TMEM63A: variants seen among roughly 807,000 people sequenced by gnomAD.
TMEM63A encodes mechanosensitive cation channel TMEM63A.
In TMEM63A, 76 loss-of-function variants were observed where a neutral mutation model predicts 100.6. That is an observed-to-expected ratio of 0.76 (90% CI 0.63 to 0.91). TMEM63A has a LOEUF of 0.91. TMEM63A is among the 40% of genes least tolerant of loss of function. The pLI is 0.00. For synonymous variants in TMEM63A, 401 were observed against 401.1 expected, an observed-to-expected ratio of 1.00 and a Z score of 0.00; for missense variants, 876 against 1,008.8, an observed-to-expected ratio of 0.87 and a Z score of 1.78.
rs755645575 is a variant in TMEM63A at position 225,856,730 on chromosome 1, T to TC, written c.1492dup (p.Glu498GlyfsTer37). 1.9e-6 allele frequency: 3 copies of TC among 1,611,560 alleles called. No individual in the cohort carries two copies. Among genetic ancestry groups the TC allele is most frequent in the African/African-American group, 2.7e-5 (2 of 74,956 alleles). ...GACTTTGGTCATCATGATCTGGTTT[T>TC]CCCCCGACCTGCAGGAAGTCAAAGG... On this transcript the variant is annotated frameshift_variant, in exon 17 of 25. Coordinates refer to ENST00000366835, the MANE Select transcript of TMEM63A (RefSeq NM_014698.3). LOFTEE classifies it high-confidence loss of function.
intron 18 of TMEM63A, among the ~76,000 whole-genome samples, chr1:225,855,425 A>G (rs1279628096): frequency 6.6e-6 from 1 of 152,254 alleles, no homozygotes; most frequent in Non-Finnish European, 1.5e-5. Flanking sequence ...GTGGCATGGT[A>G]TAAGTTTAAA....
downstream of TMEM63A, chr1:225,844,590 T>C (rs1266755235): frequency 1.3e-5 from 21 of 1,614,048 alleles, no homozygotes; most frequent in South Asian, 5.5e-5. Flanking sequence ...AAGGAGAACC[T>C]GGGACAGGGC....
chr1:225,849,984 C>T lies in TMEM63A; in HGVS notation c.1999G>A (p.Ala667Thr), dbSNP rs146840117. Reference sequence around the variant, plus strand: ...GGGGCTGCCAAGGCCTGGTTCACAGCGGCAAAGTGGATCCCCTTCTCCAGC... The same window carrying T: ...GGGGCTGCCAAGGCCTGGTTCACAGTGGCAAAGTGGATCCCCTTCTCCAGC... ...AKLEKGIHFA[A>T]VNQALAAPIL... The change falls in exon 21 of 25, where the codon GCT becomes ACT. Residue 667 changes from alanine to threonine, a missense_variant. By Grantham distance (58) the Ala-to-Thr change is moderately conservative (BLOSUM62 0). Transcript: ENST00000366835. The T allele has an allele frequency of 1.9e-4, 308 of 1,614,190 alleles. 1 individual carries two copies. The African/African-American group carries it at 3.6e-3, about 19-fold the overall frequency.
At chr1:225,869,722 G>T (rs1352412452) in intron 6 of TMEM63A, among the ~76,000 whole-genome samples, 4 of 136,400 alleles carry the variant, frequency 2.9e-5, no homozygotes, top group Non-Finnish European at 4.6e-5. Flanking sequence ...AGTTGCAGTG[G>T]GGTGATCTTG....
chr1:225,843,780 G>A (rs1021615937), downstream of TMEM63A, among the ~76,000 whole-genome samples: 1 of 152,250 alleles, frequency 6.6e-6, no homozygotes, highest in Admixed American at 6.5e-5. Flanking sequence ...GGAGATGGAA[G>A]CACTTGGCCA....
chr1:225,840,719 A>G (rs1323684827), downstream of TMEM63A, among the ~76,000 whole-genome samples: 1 of 152,176 alleles, frequency 6.6e-6, no homozygotes, highest in Non-Finnish European at 1.5e-5. Context: ...AAATAGCTCA[A>G]TGACAAGGAA....
rs557116423 is a variant in TMEM63A, at chr1:225,847,207, C to T, written c.2257G>A (p.Val753Met). Reference protein sequence around the residue: ...AHMPPPFTPYVPRILNGLASE... With the variant: ...AHMPPPFTPYMPRILNGLASE... ...GCCAAGCCGTTCAGAATCCGAGGCA[C>T]GTAGGGCTGTCAGCAAATGGATTTG... is the stretch of plus-strand genomic sequence containing the variant. The change falls in exon 24 of 25, where the codon GTG becomes ATG. Residue 753 changes from valine to methionine, a missense_variant. Physicochemically the swap from Val to Met is conservative, Grantham distance 21 (BLOSUM62 1). Coordinates refer to ENST00000366835, the MANE Select transcript of TMEM63A (RefSeq NM_014698.3). 4.3e-5 allele frequency: 70 copies of T among 1,612,890 alleles called. No individual in the cohort carries two copies. In the South Asian group the frequency reaches 5.3e-4, roughly 12 times the overall value.
chr1:225,876,749 G>A (rs1425231049), intron 3 of TMEM63A, among the ~76,000 whole-genome samples: 4 of 151,886 alleles, frequency 2.6e-5, no homozygotes, highest in Admixed American at 6.6e-5. Context: ...CCAGGTTCAA[G>A]CAATTCTCCT....
chr1:225,851,361 TTTTG>T (rs946331299), intron 20 of TMEM63A, among the ~76,000 whole-genome samples: 2 of 152,156 alleles, frequency 1.3e-5, no homozygotes, highest in African/African-American at 2.4e-5. Context: ...TGCCAGGTTC[TTTTG>T]TTTTTTTATT....
chr1:225,851,524 C>G (rs1442152662), intron 20 of TMEM63A, among the ~76,000 whole-genome samples: 4 of 152,144 alleles, frequency 2.6e-5, no homozygotes, highest in Non-Finnish European at 5.9e-5. Context: ...CGCCTGCCAC[C>G]ATGCCCAGTT....
At chr1:225,872,551 T>A (rs142092174) in intron 4 of TMEM63A, among the ~76,000 whole-genome samples, 3 of 152,212 alleles carry the variant, frequency 2.0e-5, no homozygotes, top group Middle Eastern at 3.4e-3. Context: ...TCAAAACATA[T>A]GTTTTAGAGT....
At chr1:225,847,575 G>A (rs536233677) in intron 23 of TMEM63A, 1 of 182,090 alleles carries the variant, frequency 5.5e-6, no homozygotes, top group African/African-American at 2.3e-5. Context: ...GGACCCCTGG[G>A]ATGCTCAACA....
At position 225,874,354 on chromosome 1, in the gene TMEM63A, A is replaced by G; in HGVS notation, c.200T>C (p.Val67Ala). The change falls in exon 4 of 25, where the codon GTG becomes GCG. Residue 67 changes from valine (V) to alanine (A), a missense_variant. Physicochemically the swap from Val to Ala is moderately conservative, Grantham distance 64 (BLOSUM62 0). Coordinates refer to ENST00000366835, the MANE Select transcript of TMEM63A (RefSeq NM_014698.3). ...DVSCFLFLILVFSIIRRRFWD... is the reference protein window; with the variant it reads ...DVSCFLFLILAFSIIRRRFWD... The stretch of plus-strand genomic sequence containing the variant: ...GAATCTTCTTCTTATAATAGAAAAC[A>G]CCAAGATTAAGAACTAAAAACAGAA... 1 of 1,613,534 alleles carries G rather than the reference A, an allele frequency of 6.2e-7. No individual in the cohort carries two copies. Among genetic ancestry groups the G allele is most frequent in the Non-Finnish European group, 8.5e-7 (1 of 1,179,890 alleles).
At chr1:225,871,234 T>C (rs549648193) in intron 5 of TMEM63A, 121 bp from the exon 6 acceptor site, 37 of 1,020,160 alleles carry the variant, frequency 3.6e-5, no homozygotes, top group African/African-American at 3.5e-4. Context: ...ACAGTGCTTT[T>C]ATCCCATATT....
chr1:225,859,616 G>A (rs1429736317), intron 14 of TMEM63A: 4 of 457,526 alleles, frequency 8.7e-6, no homozygotes, highest in Non-Finnish European at 1.5e-5. Context: ...GGCCAAACAA[G>A]GCTCCAGCAT....
At chr1:225,857,726 A>G (rs965285247) in intron 15 of TMEM63A, among the ~76,000 whole-genome samples, 1 of 152,176 alleles carries the variant, frequency 6.6e-6, no homozygotes, top group Non-Finnish European at 1.5e-5. Context: ...TTCTTCCTTT[A>G]CTTTAAAGAA....
At chr1:225,869,666 C>CTTTTCTTTTCTTT (rs76862516) in intron 6 of TMEM63A, among the ~76,000 whole-genome samples, 3,225 of 109,764 alleles carry the variant, frequency 0.029, 181 homozygotes, top group African/African-American at 0.11. Context: ...CTTTTCTTTT[C>CTTTTCTTTTCTTT]TTTTTTTTTT....
intron 3 of TMEM63A, among the ~76,000 whole-genome samples, chr1:225,875,501 A>G (rs1216073095): frequency 6.6e-6 from 1 of 152,192 alleles, no homozygotes; most frequent in Non-Finnish European, 1.5e-5. Context: ...TTCCTAAAGG[A>G]AATCCAGAAG....
intron 5 of TMEM63A, 197 bp downstream of exon 5, chr1:225,871,790 T>C: frequency 1.8e-6 from 1 of 552,588 alleles, no homozygotes; most frequent in East Asian, 3.0e-5. Context: ...GCCTGCAAAT[T>C]CATCCAGTCT....
Sources: gnomAD v4.1 joint callset for allele counts (sites outside exome capture counted in the v4.1 genomes callset) on GRCh38, gnomAD v4.1.1 for gene constraint, MANE v1.5 for transcripts, NCBI Gene and HGNC (gene_info 2026-07-23, HGNC 2026-07-21) for gene names.